LSM5: variants seen among roughly 807,000 people sequenced by gnomAD.
LSM5 encodes LSM5 homolog, U6 small nuclear RNA and mRNA degradation associated, also known as U6 snRNA-associated Sm-like protein LSm5.
Under a neutral mutation model 13.8 loss-of-function variants are expected in LSM5, and 8 were observed. That is an observed-to-expected ratio of 0.58 (90% CI 0.34 to 1.04). The LOEUF (loss-of-function observed/expected upper bound fraction) is 1.04. Ranked by LOEUF, LSM5 falls within the 50% of genes least tolerant of loss-of-function variation. LSM5 has a pLI of 0.03. For missense variants in LSM5, 80 were observed against 108.1 expected (o/e 0.74, Z 1.15); for synonymous variants, 35 against 37.0 (o/e 0.95, Z 0.20).
upstream of LSM5, among the ~76,000 whole-genome samples, chr7:32,492,696 C>CA (rs1199158913): frequency 6.6e-6 from 1 of 152,132 alleles, no homozygotes; most frequent in East Asian, 1.9e-4. Flanking sequence ...TCTCCTGAGG[C>CA]AAGACACAAA....
At chr7:32,491,075 T>C (rs760295811), upstream of LSM5, among the ~76,000 whole-genome samples, 8 of 152,186 alleles carry the variant, frequency 5.3e-5, no homozygotes, top group African/African-American at 9.7e-5. Flanking sequence ...CCTAGTCTGT[T>C]TTATATTTGT....
At chr7:32,491,604 A>C (rs1220792542), upstream of LSM5, among the ~76,000 whole-genome samples, 2 of 152,200 alleles carry the variant, frequency 1.3e-5, no homozygotes, top group Non-Finnish European at 2.9e-5. Flanking sequence ...ATGGTCAGTT[A>C]TTTGACAATG....
At chr7:32,490,862 A>G (rs974935346), upstream of LSM5, 2 of 170,072 alleles carry the variant, frequency 1.2e-5, no homozygotes, top group African/African-American at 4.8e-5. Flanking sequence ...TGAGGATTTA[A>G]GATATGTTTT....
Position 32,486,601 on chromosome 7 carries a change from C to G in LSM5, c.*660G>C, listed in dbSNP as rs919186832. ...TATCCTTTATCTTAAAGCTCTGTCT[C>G]CACTCATTTCCTGGCAATTCAGTAA... On this transcript the variant is annotated 3_prime_UTR_variant, in exon 5 of 5. Transcript: ENST00000450169. 3.9e-5 allele frequency: 6 copies of G among 152,372 alleles called. No individual in the cohort carries two copies. The highest frequency in any genetic ancestry group is 8.8e-5 in the Non-Finnish European group (6 of 68,210). The allele number at this position is 152,372 out of a possible 1,614,324, so 9.4% of individuals were successfully genotyped here. A position where few individuals can be genotyped will look rare whatever the true frequency, so the allele number is the denominator to read the frequency against.
upstream of LSM5, chr7:32,490,509 C>CT (rs1583464458): frequency 1.2e-5 from 8 of 658,096 alleles, no homozygotes; most frequent in East Asian, 2.2e-4. Context: ...CGTTCACTGG[C>CT]TTTTTTCCCC....
chr7:32,487,866 G>A, intron 3 of LSM5, 109 bp from the exon 4 acceptor site: 1 of 639,806 alleles, frequency 1.6e-6, no homozygotes, highest in Non-Finnish European at 2.8e-6. Context: ...AAATTACACT[G>A]AGGTTGAGCA....
Position 32,485,403 on chromosome 7 carries a change from T to C in LSM5, c.*1858A>G, listed in dbSNP as rs1231683128. ...CCACGTGGACCAAATACAAAAACCA[T>C]AATGGACTAGGTCAACATGCAACTA... On this transcript the variant is annotated 3_prime_UTR_variant, in exon 5 of 5. Coordinates refer to ENST00000450169, the MANE Select transcript of LSM5 (RefSeq NM_012322.3). The C allele has an allele frequency of 6.6e-6, 1 of 152,144 alleles. No homozygotes were observed. Among genetic ancestry groups the C allele is most frequent in the Non-Finnish European group, 1.5e-5 (1 of 68,012 alleles). 9.4% of individuals were successfully genotyped at this position (152,144 alleles called of 1,614,324 possible).
At chr7:32,490,213 C>T (rs776856472) in intron 1 of LSM5, 107 bp downstream of exon 1, 15 of 1,601,448 alleles carry the variant, frequency 9.4e-6, no homozygotes, top group East Asian at 2.3e-5. Flanking sequence ...CGCATTTGGT[C>T]TTATACATTT....
chr7:32,490,436 G>A (rs954214122), upstream of LSM5: 9 of 1,345,946 alleles, frequency 6.7e-6, no homozygotes, highest in South Asian at 5.9e-5. Context: ...CGCTTTTTCC[G>A]CAGCCCAAAC....
upstream of LSM5, among the ~76,000 whole-genome samples, chr7:32,493,416 C>A (rs889895564): frequency 6.6e-6 from 1 of 152,000 alleles, no homozygotes; most frequent in Non-Finnish European, 1.5e-5. Flanking sequence ...CCATGCCCCA[C>A]CTATATTCTA....
In LSM5 at chr7:32,485,803, A is replaced by G. The variant is rs1786426456; in HGVS notation, c.*1458T>C. 1 of 152,096 alleles carries G rather than the reference A, an allele frequency of 6.6e-6. No individual in the cohort carries two copies. The highest frequency in any genetic ancestry group is 2.4e-5 in the African/African-American group (1 of 41,388). The allele number at this position is 152,096 out of a possible 1,614,324, so 9.4% of individuals were successfully genotyped here. A position where few individuals can be genotyped will look rare whatever the true frequency, so the allele number is the denominator to read the frequency against. On this transcript the variant is annotated 3_prime_UTR_variant, in exon 5 of 5. Coordinates refer to ENST00000450169, the MANE Select transcript of LSM5 (RefSeq NM_012322.3). Reference sequence around the variant, plus strand: ...AGTGGTGGCGCCCACCTGTAATCCCAGCTACTCAGGAGGGTGAGGCAGGAC... The same window carrying G: ...AGTGGTGGCGCCCACCTGTAATCCCGGCTACTCAGGAGGGTGAGGCAGGAC...
At chr7:32,489,907 T>C (rs1392954152) in intron 1 of LSM5, 1 of 527,992 alleles carries the variant, frequency 1.9e-6, no homozygotes, top group Non-Finnish European at 2.9e-6. Flanking sequence ...GGTTTCCAGA[T>C]TCCTCATTTA....
chr7:32,491,538 T>C (rs1385545306), upstream of LSM5, among the ~76,000 whole-genome samples: 2 of 152,196 alleles, frequency 1.3e-5, no homozygotes, highest in Non-Finnish European at 2.9e-5. Flanking sequence ...TGGGAAGCAG[T>C]AGTTTACGTG....
upstream of LSM5, among the ~76,000 whole-genome samples, chr7:32,494,205 GAC>G (rs1400742726): frequency 2.0e-5 from 3 of 152,122 alleles, no homozygotes; most frequent in Non-Finnish European, 4.4e-5. Flanking sequence ...AAAATATCAA[GAC>G]AGGTTATATC....
At chr7:32,493,741 ATGTT>A (rs1786649974), upstream of LSM5, among the ~76,000 whole-genome samples, 1 of 151,550 alleles carries the variant, frequency 6.6e-6, no homozygotes, top group Non-Finnish European at 1.5e-5. Flanking sequence ...GGGTTTCACC[ATGTT>A]GCCCAGGCTG....
Position 32,486,267 on chromosome 7 carries a change from G to A in LSM5, c.*994C>T, listed in dbSNP as rs1786444372. ...TTAATACTATGTACATATTAATGTT[G>A]AAATATTTGACACAGAAAGATATTC... On this transcript the variant is annotated 3_prime_UTR_variant, in exon 5 of 5. Transcript: ENST00000450169. 6.6e-6 allele frequency: 1 copy of A among 152,074 alleles called. No homozygotes were observed. Among genetic ancestry groups the A allele is most frequent in the Non-Finnish European group, 1.5e-5 (1 of 68,012 alleles). 9.4% of individuals were successfully genotyped at this position (152,074 alleles called of 1,614,324 possible). A position where few individuals can be genotyped will look rare whatever the true frequency, so the allele number is the denominator to read the frequency against.
At chr7:32,489,189 A>G (rs1385280003) in intron 2 of LSM5, 60 bp downstream of exon 2, 5 of 798,470 alleles carry the variant, frequency 6.3e-6, no homozygotes, top group Non-Finnish European at 8.6e-6. Flanking sequence ...CTGATTGTCT[A>G]TAGTTCTTAT....
chr7:32,491,978 TCTCA>T (rs1248114945), upstream of LSM5, among the ~76,000 whole-genome samples: 5 of 152,222 alleles, frequency 3.3e-5, no homozygotes, highest in Non-Finnish European at 7.3e-5. Context: ...TTAAATTGAT[TCTCA>T]CTATTTCATT....
chr7:32,487,948 G>A (rs779505687), intron 3 of LSM5, 191 bp from the exon 4 acceptor site: 11 of 523,988 alleles, frequency 2.1e-5, no homozygotes, highest in Non-Finnish European at 3.8e-5. Context: ...GCAGCAGAAT[G>A]AACTCACTGA....
Sources: gnomAD v4.1 joint callset for allele counts (sites outside exome capture counted in the v4.1 genomes callset) on GRCh38, gnomAD v4.1.1 for gene constraint, MANE v1.5 for transcripts, NCBI Gene and HGNC (gene_info 2026-07-23, HGNC 2026-07-21) for gene names.